Variants in KIF2B observed in about 807,000 individuals in gnomAD.
KIF2B encodes the protein kinesin family member 2B, also known as kinesin-like protein KIF2B.
KIF2B carries 5 observed loss-of-function variants against 6.8 expected under a neutral mutation model. The observed-to-expected ratio is 0.74, with a 90% confidence interval of 0.39 to 1.55. KIF2B has a LOEUF of 1.55. Among genes scored for constraint, KIF2B ranks in the 40% most tolerant of loss-of-function variants. KIF2B has a pLI of 0.03. For missense variants in KIF2B, 908 were observed against 831.3 expected, an observed-to-expected ratio of 1.09 and a Z score of -1.13; for synonymous variants, 370 against 330.7, an observed-to-expected ratio of 1.12 and a Z score of -1.29.
rs1417694993 is a variant in KIF2B at position 53,823,861 on chromosome 17, C to G, written c.828C>G (p.Asn276Lys). Residue 276 changes from asparagine to lysine, a missense_variant, in exon 1 of 1, where the codon AAC becomes AAG. By Grantham distance (94) the Asn-to-Lys change is moderately conservative. Transcript: ENST00000268919. ...FDHAFDDKAS[N>K]ELVYQFTAQP... ...ATGCCTTCGATGACAAAGCCTCCAA[C>G]GAGTTGGTGTACCAGTTCACCGCCC... 6.2e-7 allele frequency: 1 copy of G among 1,614,240 alleles called. No homozygotes were observed. Among genetic ancestry groups the G allele is most frequent in the Admixed American group, 1.7e-5 (1 of 60,022 alleles).
In KIF2B at chr17:53,824,789, T is replaced by A. The variant is rs1267017332; in HGVS notation, c.1756T>A (p.Tyr586Asn). The change falls in exon 1 of 1, where the codon TAT (tyrosine) becomes AAT (asparagine). Residue 586 changes from tyrosine to asparagine, a missense_variant. Transcript: ENST00000268919. The part of the protein sequence containing the change: ...LQRDEFIKIP[Y>N]VQSEEQKEIE... Reference sequence around the variant, plus strand: ...GAGGGATGAATTTATTAAAATACCTTATGTACAGAGTGAGGAGCAGAAAGA... The same window carrying A: ...GAGGGATGAATTTATTAAAATACCTAATGTACAGAGTGAGGAGCAGAAAGA... 3 of 1,613,854 alleles carry A rather than the reference T, an allele frequency of 1.9e-6. No homozygotes were observed. Among genetic ancestry groups the A allele is most frequent in the Non-Finnish European group, 8.5e-7 (1 of 1,179,966 alleles).
Position 53,823,419 on chromosome 17 carries a change from AC to A in KIF2B, c.387del (p.Asp129GlufsTer5). ...IPQKNQTASG[D>X]SLDVRVPSKP... ...CAGAAAAACCAAACAGCCTCAGGGG[AC>A]AGCCTGGATGTGAGGGTCCCCAGCA... On this transcript the variant is annotated frameshift_variant, in exon 1 of 1. Coordinates refer to ENST00000268919, the MANE Select transcript of KIF2B (RefSeq NM_032559.5). LOFTEE classifies it high-confidence loss of function. The A allele has an allele frequency of 6.2e-7, 1 of 1,614,110 alleles. No individual in the cohort carries two copies. Among genetic ancestry groups the A allele is most frequent in the Non-Finnish European group, 8.5e-7 (1 of 1,180,018 alleles).
chr17:53,824,460 T>C lies in KIF2B; in HGVS notation c.1427T>C (p.Leu476Pro), dbSNP rs745635200. 12 of 1,614,000 alleles carry C rather than the reference T, an allele frequency of 7.4e-6. No individual in the cohort carries two copies. The Admixed American group carries it at 8.3e-5, about 11-fold the overall frequency. ...LEGAEINKSL[L>P]ALKECILALG... The stretch of plus-strand genomic sequence containing the variant: ...GGGGCAGAGATTAACAAGAGTCTTC[T>C]AGCCCTCAAAGAATGTATTCTGGCT... Residue 476 changes from leucine (L) to proline (P), a missense_variant, in exon 1 of 1, where the codon CTA (leucine) becomes CCA (proline). Leu to Pro is a moderately conservative substitution (Grantham distance 98). Transcript: ENST00000268919.
In KIF2B at chr17:53,824,669, G is replaced by A. The variant is rs2143786382; in HGVS notation, c.1636G>A (p.Asp546Asn). ...AAACAGAGTAAAAAAATTAAATGTA[G>A]ATGTAAGGCCCTACCATCGTGGCCA... ...YANRVKKLNV[D>N]VRPYHRGHYP... Residue 546 changes from aspartate to asparagine, a missense_variant, in exon 1 of 1, where the codon GAT (aspartate) becomes AAT (asparagine). Asp to Asn is a conservative substitution (Grantham distance 23). Coordinates refer to ENST00000268919, the MANE Select transcript of KIF2B (RefSeq NM_032559.5). The A allele has an allele frequency of 1.2e-6, 2 of 1,614,150 alleles. No homozygotes were observed. Among genetic ancestry groups the A allele is most frequent in the South Asian group, 2.2e-5 (2 of 91,088 alleles).
At position 53,823,336 on chromosome 17, in the gene KIF2B, G is replaced by T. The variant is rs1259664361; in HGVS notation, c.303G>T (p.Ala101=). Residue 101 remains alanine (A), a synonymous_variant, in exon 1 of 1, where the codon GCG becomes GCT. Transcript: ENST00000268919. ...CGCCCTTATCCCCCTTGGCTCTGGC[G>T]CCCTCTTCGGCCATCAGGGACCAGC... ...PPPPLSPLAL[A]PSSAIRDQRT... is the part of the protein sequence containing the mutation. 3 of 1,613,920 alleles carry T rather than the reference G, an allele frequency of 1.9e-6. No individual in the cohort carries two copies. The highest frequency in any genetic ancestry group is 2.7e-5 in the African/African-American group (2 of 74,876).
rs1226474062 is a variant in KIF2B, at chr17:53,823,712, G to A, written c.679G>A (p.Glu227Lys). The change falls in exon 1 of 1, where the codon GAG (glutamate) becomes AAG (lysine). Residue 227 changes from glutamate (E) to lysine (K), a missense_variant. Glu to Lys is a moderately conservative substitution (Grantham distance 56, BLOSUM62 1). Coordinates refer to ENST00000268919, the MANE Select transcript of KIF2B (RefSeq NM_032559.5). ...CVRKRPLNQR[E>K]TTLKDLDIIT... ...GAGGAAGCGGCCTCTCAACCAGCGAGAGACAACCTTAAAGGACCTGGATAT... is the reference window on the plus strand; with the variant it reads ...GAGGAAGCGGCCTCTCAACCAGCGAAAGACAACCTTAAAGGACCTGGATAT... The A allele has an allele frequency of 1.2e-6, 2 of 1,614,212 alleles. No homozygotes were observed. Among genetic ancestry groups the A allele is most frequent in the Non-Finnish European group, 1.7e-6 (2 of 1,180,032 alleles).
chr17:53,823,846 T>A lies in KIF2B; in HGVS notation c.813T>A (p.Asp271Glu), dbSNP rs2143782090. 1 of 1,614,218 alleles carries A rather than the reference T, an allele frequency of 6.2e-7. No individual in the cohort carries two copies. The highest frequency in any genetic ancestry group is 8.5e-7 in the Non-Finnish European group (1 of 1,180,040). Residue 271 changes from aspartate to glutamate, a missense_variant, in exon 1 of 1, where the codon GAT becomes GAA. Transcript: ENST00000268919. The part of the protein sequence containing the change: ...NQTFCFDHAF[D>E]DKASNELVYQ... Reference sequence around the variant, plus strand: ...CCTTCTGCTTCGACCATGCCTTCGATGACAAAGCCTCCAACGAGTTGGTGT... The same window carrying A: ...CCTTCTGCTTCGACCATGCCTTCGAAGACAAAGCCTCCAACGAGTTGGTGT...
Position 53,825,078 on chromosome 17 carries a change from C to A in KIF2B, c.*23C>A, listed in dbSNP as rs2143788325. 1.3e-6 allele frequency: 2 copies of A among 1,542,842 alleles called. No individual in the cohort carries two copies. Among genetic ancestry groups the A allele is most frequent in the South Asian group, 2.4e-5 (2 of 82,344 alleles). On this transcript the variant is annotated 3_prime_UTR_variant, in exon 1 of 1. Transcript: ENST00000268919. ...TGAAGCCAATGGCGAGAGATCAGGT[C>A]CGAAATGCTGCATTGCTGCAGTTTC... is the stretch of plus-strand genomic sequence containing the variant.
In KIF2B at chr17:53,823,890, C is replaced by A. The variant is rs2143782393; in HGVS notation, c.857C>A (p.Pro286Gln). The A allele has an allele frequency of 6.2e-7, 1 of 1,614,262 alleles. No homozygotes were observed. Among genetic ancestry groups the A allele is most frequent in the Non-Finnish European group, 8.5e-7 (1 of 1,180,048 alleles). ...TTGGTGTACCAGTTCACCGCCCAGC[C>A]ACTGGTGGAGTCCATCTTCCGCAAG... ...NELVYQFTAQ[P>Q]LVESIFRKGM... The change falls in exon 1 of 1, where the codon CCA (proline) becomes CAA (glutamine). Residue 286 changes from proline to glutamine, a missense_variant. Coordinates refer to ENST00000268919, the MANE Select transcript of KIF2B (RefSeq NM_032559.5).
rs769032021 is a variant in KIF2B, at chr17:53,823,312, G to A, written c.279G>A (p.Pro93=). The change falls in exon 1 of 1, where the codon CCG becomes CCA. Residue 93 remains proline, a synonymous_variant. Coordinates refer to ENST00000268919, the MANE Select transcript of KIF2B (RefSeq NM_032559.5). ...CTGCTGAACACCCCATGCCGCCCCC[G>A]CCCTTATCCCCCTTGGCTCTGGCGC... ...LDSAEHPMPP[P]PLSPLALAPS... The A allele has an allele frequency of 1.9e-6, 3 of 1,613,950 alleles. No individual in the cohort carries two copies. Among genetic ancestry groups the A allele is most frequent in the African/African-American group, 1.3e-5 (1 of 74,894 alleles).
chr17:53,823,273 T>C lies in KIF2B; in HGVS notation c.240T>C (p.Asn80=), dbSNP rs763682994. The change falls in exon 1 of 1, where the codon AAT becomes AAC. Residue 80 remains asparagine, a synonymous_variant. Coordinates refer to ENST00000268919, the MANE Select transcript of KIF2B (RefSeq NM_032559.5). ...ACCTGGAGACCATACTCCTGCTGAATCCAGCTCTGGACTCTGCTGAACACC... is the reference window on the plus strand; with the variant it reads ...ACCTGGAGACCATACTCCTGCTGAACCCAGCTCTGGACTCTGCTGAACACC... ...KIDLETILLL[N]PALDSAEHPM... is the part of the protein sequence containing the mutation. The C allele has an allele frequency of 3.1e-6, 5 of 1,614,138 alleles. No homozygotes were observed. Among genetic ancestry groups the C allele is most frequent in the East Asian group, 2.2e-5 (1 of 44,864 alleles).
Position 53,823,755 on chromosome 17 carries a change from A to G in KIF2B, c.722A>G (p.Asp241Gly), listed in dbSNP as rs140374404. Residue 241 changes from aspartate to glycine, a missense_variant, in exon 1 of 1, where the codon GAC becomes GGC. Asp to Gly is a moderately conservative substitution (Grantham distance 94, BLOSUM62 -1). Transcript: ENST00000268919. ...CTGGATATCATCACCGTCCCCTCGG[A>G]CAATGTGGTTATGGTGCATGAGTCC... ...KDLDIITVPS[D>G]NVVMVHESKQ... The G allele has an allele frequency of 3.7e-6, 6 of 1,614,052 alleles. No individual in the cohort carries two copies. In the African/African-American group the frequency reaches 8.0e-5, roughly 22 times the overall value.
Position 53,823,264 on chromosome 17 carries a change from C to T in KIF2B, c.231C>T (p.Leu77=), listed in dbSNP as rs1455966217. 3 of 1,614,170 alleles carry T rather than the reference C, an allele frequency of 1.9e-6. No homozygotes were observed. Among genetic ancestry groups the T allele is most frequent in the African/African-American group, 2.7e-5 (2 of 75,040 alleles). ...KGKKIDLETI[L]LLNPALDSAE... ...AGAAGATTGACCTGGAGACCATACT[C>T]CTGCTGAATCCAGCTCTGGACTCTG... Residue 77 remains leucine (L), a synonymous_variant, in exon 1 of 1, where the codon CTC becomes CTT. Transcript: ENST00000268919.
Position 53,824,424 on chromosome 17 carries a change from G to A in KIF2B, c.1391G>A (p.Arg464Lys), listed in dbSNP as rs2143785254. Residue 464 changes from arginine to lysine, a missense_variant, in exon 1 of 1, where the codon AGG (arginine) becomes AAG (lysine). Arg to Lys is a conservative substitution (Grantham distance 26). Coordinates refer to ENST00000268919, the MANE Select transcript of KIF2B (RefSeq NM_032559.5). The part of the protein sequence containing the change: ...GADTTKASRK[R>K]QLEGAEINKS... ...GATACAACCAAGGCCAGCCGGAAAAGGCAGCTGGAAGGGGCAGAGATTAAC... is the reference window on the plus strand; with the variant it reads ...GATACAACCAAGGCCAGCCGGAAAAAGCAGCTGGAAGGGGCAGAGATTAAC... 3 of 1,614,152 alleles carry A rather than the reference G, an allele frequency of 1.9e-6. No homozygotes were observed.
rs2143781861 is a variant in KIF2B, at chr17:53,823,809, T to C, written c.776T>C (p.Leu259Pro). 1.9e-6 allele frequency: 3 copies of C among 1,614,238 alleles called. No individual in the cohort carries two copies. The highest frequency in any genetic ancestry group is 2.5e-6 in the Non-Finnish European group (3 of 1,180,034). Residue 259 changes from leucine to proline, a missense_variant, in exon 1 of 1, where the codon CTG becomes CCG. By Grantham distance (98) the Leu-to-Pro change is moderately conservative (BLOSUM62 -3). Coordinates refer to ENST00000268919, the MANE Select transcript of KIF2B (RefSeq NM_032559.5). Reference sequence around the variant, plus strand: ...CAAAAGGTGGACCTCACTCGCTACCTGCAGAACCAGACCTTCTGCTTCGAC... The same window carrying C: ...CAAAAGGTGGACCTCACTCGCTACCCGCAGAACCAGACCTTCTGCTTCGAC... Reference protein sequence around the residue: ...SKQKVDLTRYLQNQTFCFDHA... With the variant: ...SKQKVDLTRYPQNQTFCFDHA...
rs142732898 is a variant in KIF2B at position 53,823,793 on chromosome 17, G to A, written c.760G>A (p.Asp254Asn). The change falls in exon 1 of 1, where the codon GAC becomes AAC. Residue 254 changes from aspartate (D) to asparagine (N), a missense_variant. Asp to Asn is a conservative substitution (Grantham distance 23). Coordinates refer to ENST00000268919, the MANE Select transcript of KIF2B (RefSeq NM_032559.5). ...VMVHESKQKVDLTRYLQNQTF... is the reference protein window; with the variant it reads ...VMVHESKQKVNLTRYLQNQTF... ...GGTGCATGAGTCCAAGCAAAAGGTG[G>A]ACCTCACTCGCTACCTGCAGAACCA... The A allele has an allele frequency of 4.3e-6, 7 of 1,614,058 alleles. No homozygotes were observed. The highest frequency in any genetic ancestry group is 5.9e-6 in the Non-Finnish European group (7 of 1,180,040).
Position 53,823,844 on chromosome 17 carries a change from G to T in KIF2B, c.811G>T (p.Asp271Tyr), listed in dbSNP as rs756074198. 46 of 1,614,210 alleles carry T rather than the reference G, an allele frequency of 2.8e-5. No homozygotes were observed. The South Asian group carries it at 3.7e-4, about 13-fold the overall frequency. Residue 271 changes from aspartate to tyrosine, a missense_variant, in exon 1 of 1, where the codon GAT becomes TAT. Transcript: ENST00000268919. Reference protein sequence around the residue: ...NQTFCFDHAFDDKASNELVYQ... With the variant: ...NQTFCFDHAFYDKASNELVYQ... ...GACCTTCTGCTTCGACCATGCCTTCGATGACAAAGCCTCCAACGAGTTGGT... is the reference window on the plus strand; with the variant it reads ...GACCTTCTGCTTCGACCATGCCTTCTATGACAAAGCCTCCAACGAGTTGGT...
rs551845820 is a variant in KIF2B at position 53,823,077 on chromosome 17, C to T, written c.44C>T (p.Pro15Leu). 6.8e-6 allele frequency: 11 copies of T among 1,614,164 alleles called. No homozygotes were observed. The South Asian group carries it at 1.2e-4, about 18-fold the overall frequency. ...FCLPESPCLS[P>L]LKPLKPHFGD... Reference sequence around the variant, plus strand: ...CTCCCTGAATCCCCATGTCTCTCGCCCCTGAAACCCTTGAAGCCACATTTC... The same window carrying T: ...CTCCCTGAATCCCCATGTCTCTCGCTCCTGAAACCCTTGAAGCCACATTTC... The change falls in exon 1 of 1, where the codon CCC becomes CTC. Residue 15 changes from proline to leucine, a missense_variant. Coordinates refer to ENST00000268919, the MANE Select transcript of KIF2B (RefSeq NM_032559.5).
In KIF2B at chr17:53,824,707, A is replaced by T. The variant is rs2143786632; in HGVS notation, c.1674A>T (p.Gly558=). The T allele has an allele frequency of 1.2e-6, 2 of 1,614,218 alleles. No homozygotes were observed. Among genetic ancestry groups the T allele is most frequent in the Non-Finnish European group, 1.7e-6 (2 of 1,180,016 alleles). Reference sequence around the variant, plus strand: ...ACCATCGTGGCCACTATCCGATTGGACATGAGGCACCAAGGATGTTAAAAA... The same window carrying T: ...ACCATCGTGGCCACTATCCGATTGGTCATGAGGCACCAAGGATGTTAAAAA... The part of the protein sequence containing the change: ...RPYHRGHYPI[G]HEAPRMLKSH... Residue 558 remains glycine (G), a synonymous_variant, in exon 1 of 1, where the codon GGA becomes GGT. Coordinates refer to ENST00000268919, the MANE Select transcript of KIF2B (RefSeq NM_032559.5).
Sources: allele counts gnomAD v4.1 joint callset, GRCh38; gene constraint gnomAD v4.1.1; transcripts MANE v1.5; gene names NCBI Gene and HGNC (gene_info 2026-07-23, HGNC 2026-07-21).